RIGI: variants seen among roughly 807,000 people sequenced by gnomAD.
RIGI encodes antiviral innate immune response receptor RIG-I.
At chr9:32,485,451 T>A in the RIGI span, 4 of 646,754 alleles carry the variant, frequency 6.2e-6, no homozygotes, top group Non-Finnish European at 1.1e-5. Flanking sequence ...ATACAACAAA[T>A]GCTCAAAATG....
chr9:32,461,923 T>C, the RIGI span, among the ~76,000 whole-genome samples: 2 of 152,226 alleles, frequency 1.3e-5, no homozygotes, highest in African/African-American at 2.4e-5. Context: ...ATAAGCAAAT[T>C]TGGGGTGAAT....
At chr9:32,496,808 CCAA>C in the RIGI span, among the ~76,000 whole-genome samples, 3 of 152,230 alleles carry the variant, frequency 2.0e-5, no homozygotes, top group Non-Finnish European at 4.4e-5. Flanking sequence ...TCCAGTTTTC[CCAA>C]CAACATTTGC....
At chr9:32,455,861 T>C in the RIGI span, 2 of 152,306 alleles carry the variant, frequency 1.3e-5, no homozygotes, top group South Asian at 2.1e-4. Context: ...GTTTTACAGA[T>C]GAAGAAAAGC....
At chr9:32,479,981 C>G in the RIGI span, among the ~76,000 whole-genome samples, 4 of 151,734 alleles carry the variant, frequency 2.6e-5, no homozygotes, top group Non-Finnish European at 4.4e-5. Context: ...TGGGAAACAC[C>G]CTTTGCAAAT....
the RIGI span, among the ~76,000 whole-genome samples, chr9:32,509,278 G>C: frequency 6.6e-6 from 1 of 152,194 alleles, no homozygotes; most frequent in South Asian, 2.1e-4. Flanking sequence ...CCTTAAGTGG[G>C]TCCCTGATAC....
At chr9:32,494,546 CAG>C in the RIGI span, among the ~76,000 whole-genome samples, 7 of 152,116 alleles carry the variant, frequency 4.6e-5, no homozygotes, top group East Asian at 1.4e-3. Flanking sequence ...TAGTAAAAAA[CAG>C]ATAAAACATT....
chr9:32,478,655 G>A, the RIGI span, among the ~76,000 whole-genome samples: 1 of 151,942 alleles, frequency 6.6e-6, no homozygotes, highest in Non-Finnish European at 1.5e-5. Flanking sequence ...TGCCTTCCAG[G>A]CTCAGGTGAT....
chr9:32,524,595 G>C, the RIGI span, among the ~76,000 whole-genome samples: 1 of 82,346 alleles, frequency 1.2e-5, no homozygotes, highest in South Asian at 3.8e-4. Context: ...TTTGTTTTTC[G>C]GTTTTTTTTT....
At chr9:32,512,738 A>G in the RIGI span, among the ~76,000 whole-genome samples, 2 of 152,186 alleles carry the variant, frequency 1.3e-5, no homozygotes. Flanking sequence ...GGCAAGAGAA[A>G]GAAATAAAGG....
At chr9:32,480,215 T>G in the RIGI span, 10 of 1,592,336 alleles carry the variant, frequency 6.3e-6, no homozygotes, top group Non-Finnish European at 8.6e-6. Context: ...AAAACACCAC[T>G]CACCTTCAAA....
At chr9:32,456,394 T>C in the RIGI span, 1 of 152,166 alleles carries the variant, frequency 6.6e-6, no homozygotes, top group Non-Finnish European at 1.5e-5. Flanking sequence ...AAAATGGCTT[T>C]ATGTTCTCAT....
At chr9:32,519,062 A>T in the RIGI span, among the ~76,000 whole-genome samples, 128 of 152,352 alleles carry the variant, frequency 8.4e-4, no homozygotes, top group Middle Eastern at 3.4e-3. Context: ...GTGAACTTAA[A>T]GACATTAAAT....
At chr9:32,498,202 ATGTCCTCTGCT>A in the RIGI span, 2 of 446,524 alleles carry the variant, frequency 4.5e-6, no homozygotes, top group Non-Finnish European at 9.1e-6. Context: ...GAGAGTTTTC[ATGTCCTCTGCT>A]TCACCTTCTG....
At chr9:32,499,324 T>TTTTTTTTTTTTTTTTTTTTTTTTG in the RIGI span, among the ~76,000 whole-genome samples, 2 of 148,164 alleles carry the variant, frequency 1.3e-5, no homozygotes, top group African/African-American at 4.9e-5. Flanking sequence ...TTGTTTTTTT[T>TTTTTTTTTTTTTTTTTTTTTTTTG]TTTTTTTTTT....
chr9:32,507,923 T>TTACATGGC, the RIGI span, among the ~76,000 whole-genome samples: 2 of 152,216 alleles, frequency 1.3e-5, no homozygotes, highest in Admixed American at 1.3e-4. Flanking sequence ...TTTGACCTAA[T>TTACATGGC]TACATGGCCA....
chr9:32,499,274 A>G, the RIGI span, among the ~76,000 whole-genome samples: 1 of 115,158 alleles, frequency 8.7e-6, no homozygotes, highest in East Asian at 2.6e-4. Flanking sequence ...TCCTTTGGTG[A>G]TTATACATTT....
chr9:32,492,493 C>CTTG, the RIGI span: 1 of 1,614,156 alleles, frequency 6.2e-7, no homozygotes, highest in East Asian at 2.2e-5. Flanking sequence ...AGAAGGCATT[C>CTTG]CACCAATTTC....
the RIGI span, among the ~76,000 whole-genome samples, chr9:32,484,943 T>C: frequency 6.6e-6 from 1 of 152,126 alleles, no homozygotes; most frequent in African/African-American, 2.4e-5. Flanking sequence ...GTATGGTTAT[T>C]TTTCAGGTGC....
chr9:32,508,258 T>TTTTTTTTTTA, the RIGI span, among the ~76,000 whole-genome samples: 497 of 138,002 alleles, frequency 3.6e-3, 18 homozygotes, highest in African/African-American at 0.014. Flanking sequence ...TTTTTTTTTT[T>TTTTTTTTTTA]ACTATATGAA....
Sources: gnomAD v4.1 joint callset for allele counts (sites outside exome capture counted in the v4.1 genomes callset) on GRCh38, gnomAD v4.1.1 for gene constraint, MANE v1.5 for transcripts, NCBI Gene and HGNC (gene_info 2026-07-23, HGNC 2026-07-21) for gene names.